The following AGMO variants were observed in gnomAD, a reference collection of about 807,000 sequenced individuals.
AGMO encodes alkylglycerol monooxygenase, also known as glyceryl-ether monooxygenase.
A neutral mutation model predicts 60.2 loss-of-function variants in AGMO; 75 were observed. That is an observed-to-expected ratio of 1.25 (90% CI 1.03 to 1.51). AGMO has a LOEUF of 1.51. Among genes scored for constraint, AGMO ranks in the 40% most tolerant of loss-of-function variants. The pLI, the probability that AGMO is intolerant of heterozygous loss-of-function variation, is 0.00. For synonymous variants in AGMO, 261 were observed against 177.1 expected (o/e 1.47, Z -3.76); for missense variants, 763 against 525.5 (o/e 1.45, Z -4.42).
chr7:15,363,712 C>T (rs1782853209), intron 12 of AGMO, among the ~76,000 whole-genome samples: 1 of 152,114 alleles, frequency 6.6e-6, no homozygotes, highest in Non-Finnish European at 1.5e-5. Context: ...TCAAAGAATA[C>T]CAAATGCAGT....
rs556320437 is a variant in AGMO at position 15,452,313 on chromosome 7, A to G, written c.410-21205T>C. 6.6e-5 allele frequency among the ~76,000 whole-genome samples: 10 copies of G among 152,294 alleles called. No homozygotes were observed. The South Asian group carries it at 2.1e-3, about 32-fold the overall frequency. On this transcript the variant is annotated intron_variant, in intron 3 of 12. Coordinates refer to ENST00000342526, the MANE Select transcript of AGMO (RefSeq NM_001004320.2). The stretch of plus-strand genomic sequence containing the variant: ...TTGAAAAAACAATCCACAGAATAGA[A>G]GAAAATGTTTACAAATAAAATATCT...
Position 15,470,267 on chromosome 7 carries a change from G to A in AGMO, c.410-39159C>T, listed in dbSNP as rs1477907468. On this transcript the variant is annotated intron_variant, in intron 3 of 12. Transcript: ENST00000342526. ...TTAACCATTGTAGGAAGAGTTTCTGGTACACTGCTGGAAACAAAAACTAGA... is the reference window on the plus strand; with the variant it reads ...TTAACCATTGTAGGAAGAGTTTCTGATACACTGCTGGAAACAAAAACTAGA... 3.3e-5 allele frequency among the ~76,000 whole-genome samples: 5 copies of A among 151,912 alleles called. No individual in the cohort carries two copies. The East Asian group carries it at 9.7e-4, about 29-fold the overall frequency.
chr7:15,258,964 C>T (rs1243711663), intron 12 of AGMO, among the ~76,000 whole-genome samples: 1 of 152,006 alleles, frequency 6.6e-6, no homozygotes. Flanking sequence ...TGAGAAGGAA[C>T]CAGAAAAACA....
chr7:15,259,503 A>C (rs924593112), intron 12 of AGMO, among the ~76,000 whole-genome samples: 1 of 152,174 alleles, frequency 6.6e-6, no homozygotes, highest in Admixed American at 6.5e-5. Context: ...AATTGAGGAA[A>C]ACTACCCCGG....
chr7:15,345,115 C>A (rs919101262), intron 12 of AGMO, among the ~76,000 whole-genome samples: 6 of 152,162 alleles, frequency 3.9e-5, no homozygotes, highest in Non-Finnish European at 7.4e-5. Flanking sequence ...CACAAAAATG[C>A]AAATCTAATC....
intron 10 of AGMO, among the ~76,000 whole-genome samples, chr7:15,367,723 C>T (rs1369003024): frequency 6.6e-6 from 1 of 152,066 alleles, no homozygotes; most frequent in Non-Finnish European, 1.5e-5. Flanking sequence ...GACACAGTTC[C>T]TGGATGAGTT....
intron 3 of AGMO, among the ~76,000 whole-genome samples, chr7:15,435,484 C>T (rs1781375420): frequency 6.6e-6 from 1 of 152,086 alleles, no homozygotes; most frequent in Admixed American, 6.6e-5. Flanking sequence ...TGGCTAATGA[C>T]AATGGCTCTA....
At chr7:15,205,304 A>C (rs551628636) in intron 12 of AGMO, among the ~76,000 whole-genome samples, 1 of 152,332 alleles carries the variant, frequency 6.6e-6, no homozygotes, top group Admixed American at 6.5e-5. Context: ...TGATGAAATA[A>C]GACTTTTCAA....
Position 15,384,817 on chromosome 7 carries a change from CTTT to C in AGMO, c.1074+626_1074+628del, listed in dbSNP as rs71953359. Among the ~76,000 whole-genome samples, 198 of 121,300 alleles carry C rather than the reference CTTT, an allele frequency of 1.6e-3. 1 individual carries two copies. The highest frequency in any genetic ancestry group is 9.8e-3 in the Middle Eastern group (2 of 204). The allele number at this position is 121,300 out of a possible 152,430, so 79.6% of individuals were successfully genotyped here. A position where few individuals can be genotyped will look rare whatever the true frequency, so the allele number is the denominator to read the frequency against. ...ATCTATAAAAAATACCTGTTTTTCT[CTTT>C]TTTTTTTTTTTTTTGCAATTTACAA... is the stretch of plus-strand genomic sequence containing the variant. On this transcript the variant is annotated intron_variant, in intron 10 of 12. Coordinates refer to ENST00000342526, the MANE Select transcript of AGMO (RefSeq NM_001004320.2).
intron 4 of AGMO, among the ~76,000 whole-genome samples, chr7:15,426,158 C>G (rs1044624710): frequency 6.6e-6 from 1 of 152,058 alleles, no homozygotes; most frequent in African/African-American, 2.4e-5. Context: ...ACACATTCTA[C>G]CTTTTATTAG....
At chr7:15,185,034 T>A in the AGMO span, among the ~76,000 whole-genome samples, 1 of 152,286 alleles carries the variant, frequency 6.6e-6, no homozygotes, top group Admixed American at 6.5e-5. Flanking sequence ...TATATAATGG[T>A]GGCACCGATA....
intron 12 of AGMO, among the ~76,000 whole-genome samples, chr7:15,284,319 T>G (rs1164704917): frequency 6.6e-6 from 1 of 151,834 alleles, no homozygotes; most frequent in Non-Finnish European, 1.5e-5. Context: ...AAAAACAAAT[T>G]GATAGACCAT....
chr7:15,229,100 C>G (rs544173009), intron 12 of AGMO, among the ~76,000 whole-genome samples: 1 of 152,068 alleles, frequency 6.6e-6, no homozygotes, highest in Non-Finnish European at 1.5e-5. Context: ...AGGTAATGCT[C>G]CCTGCCTCCA....
At chr7:15,485,167 C>T (rs12533944) in intron 3 of AGMO, among the ~76,000 whole-genome samples, 84,030 of 131,036 alleles carry the variant, frequency 0.64, 25,776 homozygotes, top group East Asian at 0.93. Flanking sequence ...AAAAGAAAAA[C>T]ATTAGCAGGG....
chr7:15,477,513 T>C (rs1397299363), intron 3 of AGMO, among the ~76,000 whole-genome samples: 2 of 152,106 alleles, frequency 1.3e-5, no homozygotes, highest in Non-Finnish European at 2.9e-5. Context: ...CAGCTGCCAA[T>C]AGAATTTTTA....
intron 3 of AGMO, among the ~76,000 whole-genome samples, chr7:15,459,999 C>T: frequency 6.6e-6 from 1 of 152,040 alleles, no homozygotes; most frequent in Admixed American, 6.6e-5. Flanking sequence ...TAAACCAGTA[C>T]CTGTTGAGCA....
At chr7:15,558,394 A>AT (rs1785207717) in intron 2 of AGMO, among the ~76,000 whole-genome samples, 1 of 152,052 alleles carries the variant, frequency 6.6e-6, no homozygotes, top group Admixed American at 6.6e-5. Context: ...CAATAATCTG[A>AT]TTTCCATAAC....
rs142486361 is a variant in AGMO, at chr7:15,336,418, CAAAAAAAAAAG to C, written c.1263+29085_1263+29095del. Among the ~76,000 whole-genome samples the C allele has an allele frequency of 0.019, 2,633 of 140,666 alleles. 145 individuals are homozygous for C. The East Asian group carries it at 0.24, about 13-fold the overall frequency. 92.3% of individuals were successfully genotyped at this position (140,666 alleles called of 152,430 possible). ...TATAAAATCGGTTGACTCAATATGGCAAAAAAAAAAGAAAAAAAAACACCAGTAACTTTCAG... is the reference window on the plus strand; with the variant it reads ...TATAAAATCGGTTGACTCAATATGGCAAAAAAAAACACCAGTAACTTTCAG... On this transcript the variant is annotated intron_variant, in intron 12 of 12. Transcript: ENST00000342526.
intron 12 of AGMO, among the ~76,000 whole-genome samples, chr7:15,346,729 G>T (rs1473119668): frequency 2.0e-5 from 3 of 151,624 alleles, no homozygotes. Context: ...AAATCAACTT[G>T]ACCCTAAGTA....
Sources: allele counts gnomAD v4.1 joint callset (sites outside exome capture counted in the v4.1 genomes callset), GRCh38; gene constraint gnomAD v4.1.1; transcripts MANE v1.5; gene names NCBI Gene and HGNC (gene_info 2026-07-23, HGNC 2026-07-21).